Variants in SORCS2 observed in about 807,000 individuals in gnomAD.
SORCS2 encodes VPS10 domain-containing receptor SorCS2.
In SORCS2, 100 loss-of-function variants were observed where a neutral mutation model predicts 141.6. The observed-to-expected ratio is 0.71, with a 90% CI of 0.60 to 0.83. SORCS2 has a LOEUF of 0.83. Among genes scored for constraint, SORCS2 ranks in the 40% least tolerant of loss-of-function variants. The probability of loss-of-function intolerance (pLI) is 0.00; values close to 1 mark genes in which losing one functional copy is unlikely to be tolerated. For missense variants in SORCS2, 1,646 were observed against 1,560.2 expected (o/e 1.05, Z -0.93); for synonymous variants, 789 against 676.9 (o/e 1.17, Z -2.57).
intron 21 of SORCS2, among the ~76,000 whole-genome samples, chr4:7,727,427 ACCCC>A (rs33979747): frequency 1.3e-4 from 19 of 148,026 alleles, no homozygotes; most frequent in East Asian, 5.9e-4. Flanking sequence ...ACTGAAGGAG[ACCCC>A]CCCCCCCCTT....
chr4:7,384,541 G>A (rs1458717127), intron 1 of SORCS2, among the ~76,000 whole-genome samples: 3 of 152,186 alleles, frequency 2.0e-5, no homozygotes, highest in African/African-American at 7.2e-5. Flanking sequence ...CCTCAACCGC[G>A]CTGGGTAACA....
rs369944704 is a variant in SORCS2 at position 7,714,404 on chromosome 4, C to T, written c.2123+31C>T. ...CGACGGGCTCCTGGCCACGAGGCCT[C>T]AGGCGCTGCTTGAGCATCCTCACAG... On this transcript the variant is annotated intron_variant, in intron 16 of 26. Coordinates refer to ENST00000507866, the MANE Select transcript of SORCS2 (RefSeq NM_020777.3). 1.3e-4 allele frequency: 198 copies of T among 1,543,338 alleles called. No individual in the cohort carries two copies. The African/African-American group carries it at 2.4e-3, about 19-fold the overall frequency.
chr4:7,332,829 G>C (rs949185844), intron 1 of SORCS2, among the ~76,000 whole-genome samples: 11 of 152,218 alleles, frequency 7.2e-5, no homozygotes, highest in African/African-American at 2.7e-4. Flanking sequence ...GCAGAGTGTG[G>C]GTGAGGCAGG....
intron 3 of SORCS2, among the ~76,000 whole-genome samples, chr4:7,565,029 T>C (rs1211312100): frequency 1.3e-5 from 2 of 152,120 alleles, no homozygotes; most frequent in East Asian, 1.9e-4. Flanking sequence ...CTCCTCCTCA[T>C]GTTACGATTG....
chr4:7,396,435 C>A, intron 2 of SORCS2, 80 bp downstream of exon 2: 1 of 1,434,006 alleles, frequency 7.0e-7, no homozygotes, highest in Non-Finnish European at 9.7e-7. Flanking sequence ...GACCGAGATC[C>A]AAACACCTCA....
chr4:7,622,650 C>T (rs570602533), intron 3 of SORCS2, among the ~76,000 whole-genome samples: 3 of 152,200 alleles, frequency 2.0e-5, no homozygotes, highest in African/African-American at 2.4e-5. Context: ...TGCTCTGGCA[C>T]GGAGTCCCAG....
chr4:7,633,686 A>G (rs1341608426), intron 3 of SORCS2, among the ~76,000 whole-genome samples: 2 of 152,206 alleles, frequency 1.3e-5, no homozygotes, highest in Admixed American at 1.3e-4. Context: ...AAATGTTCGT[A>G]AGGTTGTTTT....
chr4:7,324,991 C>T (rs1719153862), intron 1 of SORCS2, among the ~76,000 whole-genome samples: 1 of 152,194 alleles, frequency 6.6e-6, no homozygotes, highest in African/African-American at 2.4e-5. Flanking sequence ...CTCTCAACCT[C>T]TCCGTGAGAT....
chr4:7,701,236 A>C (rs1245114524), intron 12 of SORCS2, among the ~76,000 whole-genome samples: 1 of 150,288 alleles, frequency 6.7e-6, no homozygotes, highest in Non-Finnish European at 1.5e-5. Flanking sequence ...AGGGAGAGAG[A>C]GAAAAAAGGA....
In SORCS2 at chr4:7,516,801, C is replaced by G. The variant is rs115073301; in HGVS notation, c.549-14729C>G. On this transcript the variant is annotated intron_variant, in intron 2 of 26. Coordinates refer to ENST00000507866, the MANE Select transcript of SORCS2 (RefSeq NM_020777.3). The stretch of plus-strand genomic sequence containing the variant: ...CTAGCTGCCGTTGAATTGTCACTCT[C>G]ATCCACGTTTGCAGGTACAGGTGTG... 2.4e-3 allele frequency among the ~76,000 whole-genome samples: 366 copies of G among 152,328 alleles called. 2 individuals carry two copies. Among genetic ancestry groups the G allele is most frequent in the African/African-American group, 8.3e-3 (344 of 41,578 alleles).
chr4:7,669,571 T>C (rs1018289069), intron 8 of SORCS2, among the ~76,000 whole-genome samples: 3 of 152,236 alleles, frequency 2.0e-5, no homozygotes, highest in Non-Finnish European at 4.4e-5. Flanking sequence ...CATCAGATGT[T>C]GTTGTTTTAT....
At chr4:7,719,684 C>T (rs1321723540) in intron 18 of SORCS2, among the ~76,000 whole-genome samples, 2 of 152,198 alleles carry the variant, frequency 1.3e-5, no homozygotes, top group Admixed American at 6.5e-5. Context: ...CCGCTTGGAC[C>T]CTCAGAGTAG....
intron 8 of SORCS2, among the ~76,000 whole-genome samples, chr4:7,674,556 A>G (rs1023088655): frequency 1.0e-4 from 15 of 143,384 alleles, no homozygotes; most frequent in African/African-American, 3.4e-4. Context: ...CCTGGGCGAC[A>G]GAGCGAGACT....
chr4:7,522,011 C>T (rs1303283366), intron 2 of SORCS2, among the ~76,000 whole-genome samples: 3 of 152,222 alleles, frequency 2.0e-5, no homozygotes, highest in African/African-American at 4.8e-5. Context: ...CCACTCTGTT[C>T]CTGCTTCGTG....
intron 1 of SORCS2, among the ~76,000 whole-genome samples, chr4:7,235,716 T>G (rs1455167231): frequency 6.6e-6 from 1 of 152,170 alleles, no homozygotes; most frequent in Non-Finnish European, 1.5e-5. Context: ...GGGGACTGAT[T>G]GTGCTGCCTG....
chr4:7,695,382 GGATT>G (rs1430224941), intron 11 of SORCS2, among the ~76,000 whole-genome samples: 7 of 59,780 alleles, frequency 1.2e-4, no homozygotes, highest in Non-Finnish European at 1.6e-4. Context: ...ATGGATGGAT[GGATT>G]GGTGGGTGGG....
Position 7,724,474 on chromosome 4 carries a change from ATGGTGGTGATGGTGG to A in SORCS2, c.2611+601_2611+615del, listed in dbSNP as rs1353516104. On this transcript the variant is annotated intron_variant, in intron 19 of 26. Coordinates refer to ENST00000507866, the MANE Select transcript of SORCS2 (RefSeq NM_020777.3). ...GGTGGTGATGGTGGTGGTGATGGTGATGGTGGTGATGGTGGTGGTGGTGACAATGGTGGTGGTGAT... is the reference window on the plus strand; with the variant it reads ...GGTGGTGATGGTGGTGGTGATGGTGATGGTGGTGACAATGGTGGTGGTGAT... Among the ~76,000 whole-genome samples, 7 of 26,232 alleles carry A rather than the reference ATGGTGGTGATGGTGG, an allele frequency of 2.7e-4. No homozygotes were observed. The East Asian group carries it at 8.9e-3, about 33-fold the overall frequency. The allele number at this position is 26,232 out of a possible 152,430, so 17.2% of individuals were successfully genotyped here.
intron 13 of SORCS2, 149 bp downstream of exon 13, chr4:7,703,520 C>A: frequency 1.5e-6 from 1 of 650,366 alleles, no homozygotes; most frequent in Non-Finnish European, 2.6e-6. Flanking sequence ...AAGACCGGGG[C>A]TGGGACACAC....
intron 1 of SORCS2, among the ~76,000 whole-genome samples, chr4:7,289,092 C>T (rs372609784): frequency 6.6e-6 from 1 of 152,336 alleles, no homozygotes; most frequent in South Asian, 2.1e-4. Context: ...ATGGAAAACA[C>T]CTGTTCAGTT....
Sources: allele counts gnomAD v4.1 joint callset (sites outside exome capture counted in the v4.1 genomes callset), GRCh38; gene constraint gnomAD v4.1.1; transcripts MANE v1.5; gene names NCBI Gene and HGNC (gene_info 2026-07-23, HGNC 2026-07-21).